The following ADAMTSL1 variants were observed in gnomAD, a reference collection of about 807,000 sequenced individuals.
The protein encoded by ADAMTSL1 is ADAMTS-like protein 1.
In ADAMTSL1, 126 loss-of-function variants were observed where a neutral mutation model predicts 201.8. That is an observed-to-expected ratio of 0.62 (90% CI 0.54 to 0.72). ADAMTSL1 has a LOEUF of 0.72. ADAMTSL1 is among the 30% of genes least tolerant of loss of function. ADAMTSL1 has a pLI of 0.00. For missense variants in ADAMTSL1, 2,679 were observed against 2,277.8 expected, an observed-to-expected ratio of 1.18 and a Z score of -3.59; for synonymous variants, 1,121 against 903.4, an observed-to-expected ratio of 1.24 and a Z score of -4.32.
At chr9:18,569,672 G>A (rs1001021502) in intron 3 of ADAMTSL1, among the ~76,000 whole-genome samples, 1 of 152,146 alleles carries the variant, frequency 6.6e-6, no homozygotes, top group African/African-American at 2.4e-5. Flanking sequence ...GTTAGGGAAT[G>A]GAATGCATTT....
At chr9:17,976,188 C>T (rs1020666830) in intron 1 of ADAMTSL1, among the ~76,000 whole-genome samples, 2 of 151,622 alleles carry the variant, frequency 1.3e-5, no homozygotes, top group African/African-American at 2.4e-5. Flanking sequence ...TGTTCAAGAT[C>T]GCTTTAGCTA....
At chr9:17,966,986 G>A (rs1818001023) in intron 1 of ADAMTSL1, among the ~76,000 whole-genome samples, 1 of 152,186 alleles carries the variant, frequency 6.6e-6, no homozygotes, top group South Asian at 2.1e-4. Context: ...AGGCATTTGG[G>A]TTACAGTCCA....
intron 1 of ADAMTSL1, among the ~76,000 whole-genome samples, chr9:18,108,065 C>G (rs1469665477): frequency 1.3e-5 from 2 of 152,090 alleles, no homozygotes; most frequent in African/African-American, 2.4e-5. Context: ...TGAGAAAAGT[C>G]TTTCTAGAGT....
intron 2 of ADAMTSL1, among the ~76,000 whole-genome samples, chr9:18,339,703 G>A (rs1024473735): frequency 2.0e-5 from 3 of 152,232 alleles, no homozygotes; most frequent in South Asian, 2.1e-4. Context: ...GCATCCCAAA[G>A]TGTTGGGATA....
intron 1 of ADAMTSL1, among the ~76,000 whole-genome samples, chr9:18,114,274 A>G (rs1346187747): frequency 1.3e-5 from 2 of 152,220 alleles, no homozygotes; most frequent in African/African-American, 2.4e-5. Flanking sequence ...ACACTCTCCC[A>G]GGATCAGGAG....
At chr9:18,188,696 A>G (rs933767188) in intron 2 of ADAMTSL1, among the ~76,000 whole-genome samples, 1 of 152,148 alleles carries the variant, frequency 6.6e-6, no homozygotes, top group African/African-American at 2.4e-5. Context: ...TTAGAAAGGG[A>G]AGATTCATGG....
intron 2 of ADAMTSL1, among the ~76,000 whole-genome samples, chr9:18,411,529 C>T (rs1818444481): frequency 6.6e-6 from 1 of 152,060 alleles, no homozygotes; most frequent in Admixed American, 6.6e-5. Flanking sequence ...TGAAACAGAC[C>T]TTAAATTTTT....
chr9:18,134,652 G>A (rs1327752087), intron 1 of ADAMTSL1, among the ~76,000 whole-genome samples: 1 of 152,212 alleles, frequency 6.6e-6, no homozygotes, highest in East Asian at 1.9e-4. Context: ...CTCAAAACTT[G>A]CCAGTGGGTG....
chr9:18,597,095 G>A (rs1175597908), intron 4 of ADAMTSL1, among the ~76,000 whole-genome samples: 2 of 152,158 alleles, frequency 1.3e-5, no homozygotes, highest in Non-Finnish European at 2.9e-5. Context: ...TGCTCAATAT[G>A]ACTGCCACAG....
At chr9:18,184,308 A>C (rs1828634027) in intron 2 of ADAMTSL1, among the ~76,000 whole-genome samples, 1 of 152,212 alleles carries the variant, frequency 6.6e-6, no homozygotes, top group Admixed American at 6.6e-5. Flanking sequence ...TCGTGCCTGG[A>C]AGAGGAAACT....
intron 3 of ADAMTSL1, among the ~76,000 whole-genome samples, chr9:18,572,954 A>G (rs1822436426): frequency 1.3e-5 from 2 of 152,160 alleles, no homozygotes; most frequent in South Asian, 4.1e-4. Flanking sequence ...GAATAAGATA[A>G]ACCTATCAAA....
At chr9:18,064,189 G>A (rs1435702168) in intron 1 of ADAMTSL1, among the ~76,000 whole-genome samples, 1 of 152,092 alleles carries the variant, frequency 6.6e-6, no homozygotes, top group Admixed American at 6.6e-5. Context: ...CAGCTGGATG[G>A]GATCCTTTAT....
chr9:17,932,978 A>T (rs1826858835), intron 1 of ADAMTSL1, among the ~76,000 whole-genome samples: 1 of 152,152 alleles, frequency 6.6e-6, no homozygotes, highest in South Asian at 2.1e-4. Context: ...AGATCAACTA[A>T]GCCTGGTCCA....
At chr9:18,236,739 G>A (rs185306111) in intron 2 of ADAMTSL1, among the ~76,000 whole-genome samples, 28 of 152,234 alleles carry the variant, frequency 1.8e-4, no homozygotes, top group Admixed American at 5.9e-4. Context: ...TATTTTCAGC[G>A]AAGAAAAATA....
At chr9:18,729,015 C>G (rs1346224725) in intron 15 of ADAMTSL1, among the ~76,000 whole-genome samples, 1 of 152,120 alleles carries the variant, frequency 6.6e-6, no homozygotes, top group Non-Finnish European at 1.5e-5. Flanking sequence ...CATGTAGAGT[C>G]AAAAATAAAT....
intron 2 of ADAMTSL1, among the ~76,000 whole-genome samples, chr9:18,513,105 C>G (rs1818133080): frequency 6.6e-6 from 1 of 152,108 alleles, no homozygotes; most frequent in South Asian, 2.1e-4. Context: ...TCTCTAATTC[C>G]CTCTTGGTTA....
intron 2 of ADAMTSL1, among the ~76,000 whole-genome samples, chr9:18,249,294 A>G (rs1006266966): frequency 6.6e-6 from 1 of 152,198 alleles, no homozygotes; most frequent in Admixed American, 6.5e-5. Flanking sequence ...GTCAAGTGGA[A>G]ATTAACAGCA....
At chr9:18,650,696 C>A (rs180874480) in intron 7 of ADAMTSL1, among the ~76,000 whole-genome samples, 1 of 152,304 alleles carries the variant, frequency 6.6e-6, no homozygotes, top group East Asian at 1.9e-4. Context: ...CTCTTGCCAC[C>A]TTTAAAACTA....
intron 1 of ADAMTSL1, among the ~76,000 whole-genome samples, chr9:17,949,758 C>T (rs549800088): frequency 1.3e-5 from 2 of 152,262 alleles, no homozygotes; most frequent in Non-Finnish European, 2.9e-5. Flanking sequence ...GCAACATGTG[C>T]AACTAATGTG....
Sources: gnomAD v4.1 joint callset for allele counts (sites outside exome capture counted in the v4.1 genomes callset) on GRCh38, gnomAD v4.1.1 for gene constraint, MANE v1.5 for transcripts, NCBI Gene and HGNC (gene_info 2026-07-23, HGNC 2026-07-21) for gene names.